Variants in RGS3 observed in about 807,000 individuals in gnomAD.
The protein encoded by RGS3 is regulator of G protein signaling 3.
RGS3 carries 80 observed loss-of-function variants against 132.6 expected under a neutral mutation model. The observed-to-expected ratio is 0.60, with a 90% CI of 0.50 to 0.73. The LOEUF is 0.73. Among genes scored for constraint, RGS3 ranks in the 30% least tolerant of loss-of-function variants. The pLI is 0.00. For synonymous variants in RGS3, 598 were observed against 620.6 expected, an observed-to-expected ratio of 0.96 and a Z score of 0.54; for missense variants, 1,382 against 1,530.8, an observed-to-expected ratio of 0.90 and a Z score of 1.62.
At chr9:113,532,841 G>C (rs1832528057) in intron 18 of RGS3, among the ~76,000 whole-genome samples, 1 of 152,182 alleles carries the variant, frequency 6.6e-6, no homozygotes, top group African/African-American at 2.4e-5. Context: ...CCATCCTGGA[G>C]CTTAGAGCAG....
At position 113,463,688 on chromosome 9, in the gene RGS3, T is replaced by TG; in HGVS notation, c.415+1491dup. On this transcript the variant is annotated intron_variant, in intron 3 of 24. Transcript: ENST00000350696. This position sits in a 1 kb window ranked among gnomAD's most constrained non-coding sequence, Gnocchi z 4.6. ...GGCGCGCCCTGGCCGTTCCAACGCT[T>TG]GGGGCAGCCCTACCTCCCGCTCGCG... 7.2e-7 allele frequency: 1 copy of TG among 1,396,626 alleles called. No individual in the cohort carries two copies. 86.5% of individuals were successfully genotyped at this position (1,396,626 alleles called of 1,614,324 possible). A position where few individuals can be genotyped will look rare whatever the true frequency, so the allele number is the denominator to read the frequency against.
chr9:113,555,096 A>G (rs551251904), intron 19 of RGS3, among the ~76,000 whole-genome samples: 1 of 152,246 alleles, frequency 6.6e-6, no homozygotes, highest in African/African-American at 2.4e-5. Context: ...TCATAGACCA[A>G]ATTTCCACAT....
chr9:113,594,867 A>G (rs2119062235), intron 22 of RGS3, 52 bp from the exon 21 acceptor site: 13 of 1,565,986 alleles, frequency 8.3e-6, no homozygotes, highest in Non-Finnish European at 1.1e-5. Context: ...GCTTCCCCCA[A>G]GGTTCCCAAG....
At chr9:113,576,622 A>G (rs1588277453) in intron 19 of RGS3, among the ~76,000 whole-genome samples, 1 of 151,806 alleles carries the variant, frequency 6.6e-6, no homozygotes, top group African/African-American at 2.4e-5. Flanking sequence ...GAGCCACCGC[A>G]CCCAGCGATT....
intron 15 of RGS3, among the ~76,000 whole-genome samples, chr9:113,516,516 C>T (rs933612321): frequency 6.6e-6 from 1 of 151,348 alleles, no homozygotes; most frequent in South Asian, 2.1e-4. Flanking sequence ...CACGACCATG[C>T]CTGGCTAGTT....
At chr9:113,536,697 G>A in intron 18 of RGS3, 99 bp from the exon 17 acceptor site, 1 of 1,537,700 alleles carries the variant, frequency 6.5e-7, no homozygotes, top group Non-Finnish European at 8.8e-7. Context: ...CCTGGCTGCA[G>A]CCTCACCCTC....
intron 9 of RGS3, 57 bp from the exon 8 acceptor site, chr9:113,497,968 G>T (rs995076012): frequency 6.3e-7 from 1 of 1,579,732 alleles, no homozygotes; most frequent in Non-Finnish European, 8.7e-7. Context: ...GGTGGTCCGA[G>T]GAGGGGAGAC....
rs921499014 is a variant in RGS3, at chr9:113,529,075, C to A, written c.1871-146C>A. On this transcript the variant is annotated intron_variant, in intron 17 of 24. Transcript: ENST00000350696. ...TACGTAGCCAATTTTCCTCCAGAGACTTCCCTGCCTCCCATGCCTGCCTCT... is the reference window on the plus strand; with the variant it reads ...TACGTAGCCAATTTTCCTCCAGAGAATTCCCTGCCTCCCATGCCTGCCTCT... 7.2e-6 allele frequency: 5 copies of A among 691,494 alleles called. No individual in the cohort carries two copies. The Admixed American group carries it at 1.1e-4, about 15-fold the overall frequency. 42.8% of individuals were successfully genotyped at this position (691,494 alleles called of 1,614,324 possible).
intron 9 of RGS3, 113 bp from the exon 8 acceptor site, chr9:113,497,912 T>C: frequency 1.0e-6 from 1 of 988,820 alleles, no homozygotes; most frequent in East Asian, 2.5e-5. Context: ...AGGCCAGGAG[T>C]GGCCCTGGGC....
At chr9:113,475,717 G>A (rs2119199551) in intron 3 of RGS3, among the ~76,000 whole-genome samples, 3 of 152,088 alleles carry the variant, frequency 2.0e-5, no homozygotes, top group Middle Eastern at 6.8e-3. Context: ...ACAAAGACAA[G>A]TTTTTAAAGG....
chr9:113,593,815 A>C, intron 21 of RGS3: 1 of 1,146,500 alleles, frequency 8.7e-7, no homozygotes, highest in Non-Finnish European at 1.3e-6. Context: ...AAAAATAGCC[A>C]GTCCTGCCAC....
At chr9:113,517,326 G>A in intron 15 of RGS3, 1 of 673,580 alleles carries the variant, frequency 1.5e-6, no homozygotes, top group Non-Finnish European at 2.7e-6. Context: ...GATGGGGAAG[G>A]TGGCAGCAAC....
Position 113,507,184 on chromosome 9 carries a change from G to A in RGS3, c.1086-103G>A. ...ACTGGGGGCTTCCCCTCTGGTGTCTGCCTCCTCTTCCCCCATTATCCTCTC... is the reference window on the plus strand; with the variant it reads ...ACTGGGGGCTTCCCCTCTGGTGTCTACCTCCTCTTCCCCCATTATCCTCTC... On this transcript the variant is annotated intron_variant, in intron 12 of 24. Coordinates refer to ENST00000350696, the Ensembl canonical transcript of RGS3. The surrounding 1 kb of genome is among the most constrained non-coding windows in gnomAD (Gnocchi z 5.0). The A allele has an allele frequency of 4.4e-6, 4 of 914,616 alleles. No homozygotes were observed. Among genetic ancestry groups the A allele is most frequent in the Non-Finnish European group, 6.6e-6 (4 of 606,728 alleles). The allele number at this position is 914,616 out of a possible 1,614,324, so 56.7% of individuals were successfully genotyped here.
chr9:113,502,466 C>T (rs958276941), intron 10 of RGS3, among the ~76,000 whole-genome samples: 1 of 152,226 alleles, frequency 6.6e-6, no homozygotes, highest in Non-Finnish European at 1.5e-5. Flanking sequence ...CCCTGCCCCC[C>T]CACCTGCCTG....
intron 16 of RGS3, among the ~76,000 whole-genome samples, chr9:113,521,648 C>T (rs1831962655): frequency 6.6e-6 from 1 of 152,196 alleles, no homozygotes; most frequent in Non-Finnish European, 1.5e-5. Flanking sequence ...TTTTATTCAT[C>T]TTCTCTTGAT....
At chr9:113,495,429 A>G (rs1830649471) in intron 7 of RGS3, among the ~76,000 whole-genome samples, 1 of 152,156 alleles carries the variant, frequency 6.6e-6, no homozygotes, top group African/African-American at 2.4e-5. Context: ...AGCATCACCA[A>G]TGATGTGGGC....
intron 19 of RGS3, among the ~76,000 whole-genome samples, chr9:113,556,461 A>G (rs1240702743): frequency 6.6e-6 from 1 of 152,164 alleles, no homozygotes; most frequent in African/African-American, 2.4e-5. Context: ...GATAATATAT[A>G]ATCTTCCCAG....
chr9:113,491,884 A>G (rs1830533982), intron 7 of RGS3, among the ~76,000 whole-genome samples: 1 of 152,206 alleles, frequency 6.6e-6, no homozygotes, highest in African/African-American at 2.4e-5. Context: ...AATAGTAGGT[A>G]CATTTAGGGA....
intron 3 of RGS3, among the ~76,000 whole-genome samples, chr9:113,470,808 T>TA (rs527374056): frequency 3.3e-5 from 5 of 151,834 alleles, no homozygotes; most frequent in Non-Finnish European, 7.4e-5. Context: ...CTACAAAAAA[T>TA]AAAAAAATTA....
Sources: allele counts gnomAD v4.1 joint callset (sites outside exome capture counted in the v4.1 genomes callset), GRCh38; gene constraint gnomAD v4.1.1; non-coding constraint Gnocchi (gnomAD v3.1); transcripts MANE v1.5; gene names NCBI Gene and HGNC (gene_info 2026-07-23, HGNC 2026-07-21).